EBF1: variants seen among roughly 807,000 people sequenced by gnomAD.
EBF1 encodes transcription factor COE1.
In EBF1, 10 loss-of-function variants were observed where a neutral mutation model predicts 68.4. The observed-to-expected ratio is 0.15, with a 90% confidence interval of 0.09 to 0.25. EBF1 has a LOEUF of 0.25. Ranked by LOEUF, EBF1 falls within the 10% of genes least tolerant of loss-of-function variation. EBF1 has a pLI of 1.00. For synonymous variants in EBF1, 298 were observed against 299.8 expected, an observed-to-expected ratio of 0.99 and a Z score of 0.06; for missense variants, 509 against 794.4, an observed-to-expected ratio of 0.64 and a Z score of 4.32.
intron 1 of EBF1, among the ~76,000 whole-genome samples, chr5:159,098,316 G>A (rs1390881532): frequency 6.6e-6 from 1 of 152,230 alleles, no homozygotes; most frequent in Admixed American, 6.5e-5. Flanking sequence ...AGGCCACACA[G>A]TCTAGTGTCT....
intron 10 of EBF1, among the ~76,000 whole-genome samples, chr5:158,754,099 C>T (rs1168866683): frequency 6.6e-6 from 1 of 152,018 alleles, no homozygotes; most frequent in Non-Finnish European, 1.5e-5. Flanking sequence ...TGAAGTATTA[C>T]CCATTGACTA....
intron 6 of EBF1, among the ~76,000 whole-genome samples, chr5:159,061,715 A>G (rs1465158455): frequency 6.6e-6 from 1 of 151,424 alleles, no homozygotes; most frequent in Non-Finnish European, 1.5e-5. Context: ...GACACATCAC[A>G]ATGAGATTGT....
chr5:158,848,593 T>A (rs2033448), intron 6 of EBF1, among the ~76,000 whole-genome samples: 90,309 of 151,934 alleles, frequency 0.59, 27,332 homozygotes, highest in South Asian at 0.79. Flanking sequence ...TCTTGGGAAG[T>A]GTCAATGAAC....
intron 9 of EBF1, among the ~76,000 whole-genome samples, chr5:158,784,783 T>C (rs1174018757): frequency 3.3e-5 from 5 of 152,092 alleles, no homozygotes; most frequent in Admixed American, 2.0e-4. Flanking sequence ...TAATGAGCAT[T>C]TGTGGCTAGA....
chr5:158,737,318 C>G (rs868095995), intron 10 of EBF1, among the ~76,000 whole-genome samples: 2 of 119,806 alleles, frequency 1.7e-5, no homozygotes, highest in South Asian at 5.5e-4. Flanking sequence ...GAGTCTCGCT[C>G]CGTCGCCCAG....
chr5:158,805,109 C>A (rs1781328872), intron 8 of EBF1, among the ~76,000 whole-genome samples: 1 of 151,708 alleles, frequency 6.6e-6, no homozygotes, highest in Non-Finnish European at 1.5e-5. Flanking sequence ...GAAATGAAAG[C>A]CAAGGGGAAA....
chr5:158,760,735 A>G (rs149175858), intron 10 of EBF1, among the ~76,000 whole-genome samples: 39 of 152,222 alleles, frequency 2.6e-4, no homozygotes, highest in African/African-American at 8.4e-4. Flanking sequence ...CCCAGCAGCA[A>G]GCCGCTCGAT....
intron 6 of EBF1, among the ~76,000 whole-genome samples, chr5:159,011,229 A>T (rs2127680452): frequency 6.6e-6 from 1 of 152,322 alleles, no homozygotes; most frequent in East Asian, 1.9e-4. Flanking sequence ...ACTTCCTGGT[A>T]CCCAGGGTAT....
Position 158,881,232 on chromosome 5 carries a change from C to T in EBF1, c.555-41122G>A, listed in dbSNP as rs533279485. On this transcript the variant is annotated intron_variant, in intron 6 of 15. Transcript: ENST00000313708. Reference sequence around the variant, plus strand: ...AGGCTGCCCTGCCAATCAAACTCAACCTTTCTTTGAATGAATAAAAGCTTC... The same window carrying T: ...AGGCTGCCCTGCCAATCAAACTCAATCTTTCTTTGAATGAATAAAAGCTTC... Among the ~76,000 whole-genome samples, 16 of 152,142 alleles carry T rather than the reference C, an allele frequency of 1.1e-4. No individual in the cohort carries two copies. The South Asian group carries it at 3.3e-3, about 32-fold the overall frequency.
chr5:159,096,859 C>T, intron 2 of EBF1, 115 bp downstream of exon 2: 1 of 1,351,404 alleles, frequency 7.4e-7, no homozygotes, highest in Non-Finnish European at 9.9e-7. Context: ...GGGACCCCCA[C>T]ATAGAAGTGT....
chr5:158,710,892 A>C (rs2127483493), intron 14 of EBF1, among the ~76,000 whole-genome samples: 1 of 152,342 alleles, frequency 6.6e-6, no homozygotes, highest in East Asian at 1.9e-4. Flanking sequence ...CACATTTTAC[A>C]CATCAGAAGA....
Position 158,894,532 on chromosome 5 carries a change from T to C in EBF1, c.555-54422A>G, listed in dbSNP as rs1206075805. Among the ~76,000 whole-genome samples, 3 of 152,330 alleles carry C rather than the reference T, an allele frequency of 2.0e-5. No homozygotes were observed. In the East Asian group the frequency reaches 5.8e-4, roughly 29 times the overall value. On this transcript the variant is annotated intron_variant, in intron 6 of 15. Coordinates refer to ENST00000313708, the MANE Select transcript of EBF1 (RefSeq NM_024007.5). The stretch of plus-strand genomic sequence containing the variant: ...CCATCAAGTGGCAGATTAGTTTCCA[T>C]GATGCTAAAAAGGTCCCAATTACTT...
chr5:159,087,479 C>CAT (rs1780934811), intron 4 of EBF1, among the ~76,000 whole-genome samples: 1 of 150,512 alleles, frequency 6.6e-6, no homozygotes, highest in Non-Finnish European at 1.5e-5. Context: ...TACACACACA[C>CAT]ATATATATAG....
rs908991833 is a variant in EBF1 at position 159,058,483 on chromosome 5, T to G, written c.554+14913A>C. On this transcript the variant is annotated intron_variant, in intron 6 of 15. Coordinates refer to ENST00000313708, the MANE Select transcript of EBF1 (RefSeq NM_024007.5). ...TACCTTGCAACCAGACAAATGAAGCTGTCTGCTAGAAAATCTGGAGATACC... is the reference window on the plus strand; with the variant it reads ...TACCTTGCAACCAGACAAATGAAGCGGTCTGCTAGAAAATCTGGAGATACC... 3.9e-5 allele frequency among the ~76,000 whole-genome samples: 6 copies of G among 152,196 alleles called. No individual in the cohort carries two copies. In the South Asian group the frequency reaches 1.2e-3, roughly 31 times the overall value.
chr5:158,720,965 C>A (rs148246199), intron 11 of EBF1, among the ~76,000 whole-genome samples: 7 of 152,140 alleles, frequency 4.6e-5, no homozygotes, highest in African/African-American at 1.7e-4. Flanking sequence ...TTCTAGCTAG[C>A]GCATACTTTT....
At chr5:158,846,678 G>A (rs1791584529) in intron 6 of EBF1, among the ~76,000 whole-genome samples, 1 of 152,230 alleles carries the variant, frequency 6.6e-6, no homozygotes, top group South Asian at 2.1e-4. Context: ...CTAGCACACA[G>A]AAGTAGTTGT....
intron 15 of EBF1, 195 bp downstream of exon 15, chr5:158,707,784 G>C: frequency 1.6e-6 from 1 of 627,292 alleles, no homozygotes; most frequent in South Asian, 3.1e-5. Context: ...CAGCAGAGGA[G>C]AGATGAGTAT....
chr5:159,099,248 G>C (rs1392258594), intron 1 of EBF1, 97 bp downstream of exon 1: 8 of 1,034,484 alleles, frequency 7.7e-6, no homozygotes, highest in Non-Finnish European at 6.1e-6. Flanking sequence ...CCCGCCGCCC[G>C]GCCCCGCGGC....
intron 5 of EBF1, among the ~76,000 whole-genome samples, chr5:159,074,716 C>G (rs1180673373): frequency 6.6e-6 from 1 of 152,206 alleles, no homozygotes; most frequent in African/African-American, 2.4e-5. Context: ...TCTTAAGTGT[C>G]TTCTGTTTTT....
Sources: gnomAD v4.1 joint callset for allele counts (sites outside exome capture counted in the v4.1 genomes callset) on GRCh38, gnomAD v4.1.1 for gene constraint, MANE v1.5 for transcripts, NCBI Gene and HGNC (gene_info 2026-07-23, HGNC 2026-07-21) for gene names.